Variants in NPR1 observed in about 807,000 individuals in gnomAD.
The protein encoded by NPR1 is natriuretic peptide receptor 1.
In NPR1, 57 loss-of-function variants were observed where a neutral mutation model predicts 116.9. The observed-to-expected ratio is 0.49, with a 90% confidence interval of 0.39 to 0.61. The LOEUF (loss-of-function observed/expected upper bound fraction) is 0.61. Ranked by LOEUF, NPR1 falls within the 20% of genes least tolerant of loss-of-function variation. The probability of loss-of-function intolerance (pLI) is 0.00; values close to 1 mark genes in which losing one functional copy is unlikely to be tolerated. For missense variants in NPR1, 1,096 were observed against 1,409.8 expected (o/e 0.78, Z 3.56); for synonymous variants, 555 against 601.6 (o/e 0.92, Z 1.13).
At position 153,687,045 on chromosome 1, in the gene NPR1, G is replaced by A. The variant is rs747058088; in HGVS notation, c.1893G>A (p.Leu631=). The change falls in exon 12 of 22, where the codon CTG becomes CTA. Residue 631 remains leucine (L), a synonymous_variant. Coordinates refer to ENST00000368680, the MANE Select transcript of NPR1 (RefSeq NM_000906.4). ...TTCTGGAGAATGAGAGCATCACCCT[G>A]GACTGGATGTTCCGGTACTCACTCA... is the stretch of plus-strand genomic sequence containing the variant. ...QDILENESIT[L]DWMFRYSLTN... 12 of 1,614,010 alleles carry A rather than the reference G, an allele frequency of 7.4e-6. No homozygotes were observed. The highest frequency in any genetic ancestry group is 1.7e-5 in the Admixed American group (1 of 60,000).
At position 153,689,090 on chromosome 1, in the gene NPR1, T is replaced by A; in HGVS notation, c.2555T>A (p.Ile852Asn). 3 of 1,614,140 alleles carry A rather than the reference T, an allele frequency of 1.9e-6. No individual in the cohort carries two copies. The highest frequency in any genetic ancestry group is 2.5e-6 in the Non-Finnish European group (3 of 1,180,012). The change falls in exon 16 of 22, where the codon ATC becomes AAC. Residue 852 changes from isoleucine (I) to asparagine (N), a missense_variant. Coordinates refer to ENST00000368680, the MANE Select transcript of NPR1 (RefSeq NM_000906.4). The surrounding 1 kb of genome is among the most constrained non-coding windows in gnomAD (Gnocchi z 5.1). Reference sequence around the variant, plus strand: ...AAGGCTGAGGCCCTGCTCTACCAGATCCTGCCTCAGTGAGTGCCTGAGTCT... The same window carrying A: ...AAGGCTGAGGCCCTGCTCTACCAGAACCTGCCTCAGTGAGTGCCTGAGTCT... ...KRKAEALLYQ[I>N]LPHSVAEQLK...
chr1:153,681,909 T>C (rs1669792794), intron 4 of NPR1, 70 bp downstream of exon 4: 6 of 1,576,888 alleles, frequency 3.8e-6, no homozygotes, highest in Non-Finnish European at 5.2e-6. Flanking sequence ...TGTCAAGCCA[T>C]GAGAAGCCTA....
At chr1:153,692,923 T>C (rs561729527) in intron 20 of NPR1, among the ~76,000 whole-genome samples, 183 bp from the exon 21 acceptor site, 37 of 152,300 alleles carry the variant, frequency 2.4e-4, no homozygotes, top group Middle Eastern at 3.4e-3. Flanking sequence ...GAGAGGCTAA[T>C]GTGGTCACGC....
In NPR1 at chr1:153,681,697, C is replaced by G. The variant is rs148095285; in HGVS notation, c.1036-7C>G. 18 of 1,613,618 alleles carry G rather than the reference C, an allele frequency of 1.1e-5. No homozygotes were observed. In the African/African-American group the frequency reaches 2.4e-4, roughly 22 times the overall value. ...CCACCCCAGCCGACCTCTGTTTGCC[C>G]CTACAGGTGAACACCATCCCAGCAT... On this transcript the variant is annotated splice_polypyrimidine_tract_variant and splice_region_variant and intron_variant, in intron 3 of 21. Coordinates refer to ENST00000368680, the MANE Select transcript of NPR1 (RefSeq NM_000906.4).
Position 153,693,029 on chromosome 1 carries a change from C to T in NPR1, c.3032-77C>T, listed in dbSNP as rs1670148199. The stretch of plus-strand genomic sequence containing the variant: ...TGTCCACCTGTCCACCCCCACAGTC[C>T]CTGGTCTCTTTTGCCTCTACTTTCC... On this transcript the variant is annotated intron_variant, in intron 20 of 21. Coordinates refer to ENST00000368680, the MANE Select transcript of NPR1 (RefSeq NM_000906.4). The T allele has an allele frequency of 4.3e-6, 5 of 1,169,528 alleles. No individual in the cohort carries two copies. The East Asian group carries it at 7.1e-5, about 17-fold the overall frequency. 72.4% of individuals were successfully genotyped at this position (1,169,528 alleles called of 1,614,324 possible). A position where few individuals can be genotyped will look rare whatever the true frequency, so the allele number is the denominator to read the frequency against.
Position 153,680,505 on chromosome 1 carries a change from C to G in NPR1, c.726C>G (p.Ile242Met). The change falls in exon 2 of 22, where the codon ATC becomes ATG. Residue 242 changes from isoleucine (I) to methionine (M), a missense_variant. Physicochemically the swap from Ile to Met is conservative, Grantham distance 10. Transcript: ENST00000368680. The stretch of plus-strand genomic sequence containing the variant: ...TGACTCTCCGTCTTTCTCCAGTTAT[C>G]TACATCTGCAGCTCCCCTGATGCCT... ...LRTMPRKGRVIYICSSPDAFR... is the reference protein window; with the variant it reads ...LRTMPRKGRVMYICSSPDAFR... The G allele has an allele frequency of 1.2e-6, 2 of 1,614,188 alleles. No individual in the cohort carries two copies. The highest frequency in any genetic ancestry group is 1.7e-6 in the Non-Finnish European group (2 of 1,180,014).
rs904927899 is a variant in NPR1, at chr1:153,679,140, G to A, written c.32G>A (p.Arg11His). 2 of 1,461,974 alleles carry A rather than the reference G, an allele frequency of 1.4e-6. No homozygotes were observed. The highest frequency in any genetic ancestry group is 2.8e-5 in the East Asian group (1 of 35,478). The allele number at this position is 1,461,974 out of a possible 1,614,324, so 90.6% of individuals were successfully genotyped here. ...GGGCCCCGGCGCCCCGCTGGCTCCC[G>A]CCTGCGCCTGCTCCTGCTCCTGCTG... The part of the protein sequence containing the change: MPGPRRPAGS[R>H]LRLLLLLLLP... Residue 11 changes from arginine to histidine, a missense_variant, in exon 1 of 22, where the codon CGC becomes CAC. Transcript: ENST00000368680. The surrounding 1 kb of genome is among the most constrained non-coding windows in gnomAD (Gnocchi z 4.2).
In NPR1 at chr1:153,680,434, A is replaced by G; in HGVS notation, c.722-67A>G. 3.3e-6 allele frequency: 5 copies of G among 1,504,408 alleles called. No individual in the cohort carries two copies. The South Asian group carries it at 5.6e-5, about 17-fold the overall frequency. 93.2% of individuals were successfully genotyped at this position (1,504,408 alleles called of 1,614,324 possible). A position where few individuals can be genotyped will look rare whatever the true frequency, so the allele number is the denominator to read the frequency against. On this transcript the variant is annotated intron_variant, in intron 1 of 21. Coordinates refer to ENST00000368680, the MANE Select transcript of NPR1 (RefSeq NM_000906.4). ...CTAAACTTCCTCCCTTGGGTGCCCC[A>G]GCTTTCCTACTCCTGTCTCTCCCGC...
rs1408119744 is a variant in NPR1, at chr1:153,679,387, C to T, written c.279C>T (p.Ser93=). 2.6e-6 allele frequency: 4 copies of T among 1,540,390 alleles called. No individual in the cohort carries two copies. The highest frequency in any genetic ancestry group is 1.9e-5 in the Admixed American group (1 of 51,470). ...GSSENALGVC[S]DTAAPLAAVD... ...GCGAAAACGCGCTGGGCGTCTGCTC[C>T]GACACCGCAGCGCCCCTGGCCGCGG... The change falls in exon 1 of 22, where the codon TCC becomes TCT. Residue 93 remains serine (S), a synonymous_variant. Transcript: ENST00000368680. This position sits in a 1 kb window ranked among gnomAD's most constrained non-coding sequence, Gnocchi z 4.2.
intron 2 of NPR1, 195 bp from the exon 3 acceptor site, chr1:153,680,985 A>G (rs1669757074): frequency 1.7e-6 from 1 of 599,038 alleles, no homozygotes; most frequent in Non-Finnish European, 3.0e-6. Context: ...CAGCCTGGAC[A>G]GGACTTGGAG....
intron 3 of NPR1, 167 bp from the exon 4 acceptor site, chr1:153,681,537 G>A: frequency 4.2e-6 from 3 of 719,954 alleles, no homozygotes; most frequent in Non-Finnish European, 6.8e-6. Flanking sequence ...AGGAAGTGAT[G>A]CTAATCCAAA....
Position 153,687,682 on chromosome 1 carries a change from T to G in NPR1, c.2141T>G (p.Val714Gly). 6.2e-7 allele frequency: 1 copy of G among 1,606,334 alleles called. No homozygotes were observed. The highest frequency in any genetic ancestry group is 1.1e-5 in the South Asian group (1 of 90,838). ...CTCCTGCGAATGGCTTCACCCCCTG[T>G]GCGGGGCTCCCAGGCTGGTGACGTA... ...PELLRMASPP[V>G]RGSQAGDVYS... The change falls in exon 14 of 22, where the codon GTG (valine) becomes GGG (glycine). Residue 714 changes from valine to glycine, a missense_variant. Coordinates refer to ENST00000368680, the MANE Select transcript of NPR1 (RefSeq NM_000906.4).
Position 153,687,190 on chromosome 1 carries a change from A to G in NPR1, c.1936-10A>G, listed in dbSNP as rs1327341321. ...TCCTGGCCAATACCTCTGCCCACTC[A>G]CATTTCCAGGGCATGCTGTTTCTAC... On this transcript the variant is annotated splice_polypyrimidine_tract_variant and intron_variant, in intron 12 of 21. Transcript: ENST00000368680. The G allele has an allele frequency of 6.2e-7, 1 of 1,613,920 alleles. No homozygotes were observed. Among genetic ancestry groups the G allele is most frequent in the African/African-American group, 1.3e-5 (1 of 74,888 alleles).
chr1:153,685,964 A>G, intron 9 of NPR1, 84 bp downstream of exon 9: 1 of 1,444,010 alleles, frequency 6.9e-7, no homozygotes, highest in South Asian at 1.1e-5. Flanking sequence ...TTCTGAGGGA[A>G]GGAGTAAGCT....
chr1:153,687,994 G>C, intron 14 of NPR1, 59 bp from the exon 15 acceptor site: 1 of 1,282,366 alleles, frequency 7.8e-7, no homozygotes, highest in East Asian at 2.3e-5. Flanking sequence ...GGTTGCCCCA[G>C]TCTCTCACTA....
At chr1:153,683,339 A>C (rs1479633281) in intron 5 of NPR1, 37 bp from the exon 6 acceptor site, 2 of 1,602,010 alleles carry the variant, frequency 1.2e-6, no homozygotes, top group Non-Finnish European at 1.7e-6. Flanking sequence ...CCTTCCCCGC[A>C]GGCCCTGGCC....
rs1345674657 is a variant in NPR1 at position 153,679,099 on chromosome 1, C to G, written c.-10C>G. 6 of 1,414,768 alleles carry G rather than the reference C, an allele frequency of 4.2e-6. No homozygotes were observed. The highest frequency in any genetic ancestry group is 5.5e-6 in the Non-Finnish European group (6 of 1,096,728). The allele number at this position is 1,414,768 out of a possible 1,614,324, so 87.6% of individuals were successfully genotyped here. On this transcript the variant is annotated 5_prime_UTR_variant, in exon 1 of 22. Transcript: ENST00000368680. The surrounding 1 kb of genome is among the most constrained non-coding windows in gnomAD (Gnocchi z 4.2). ...AGGAGCGCTCGCCTGCTGCGGTGCC[C>G]GCTGAGGCCATGCCGGGGCCCCGGC...
Position 153,679,732 on chromosome 1 carries a change from C to G in NPR1, c.624C>G (p.Arg208=). 6.2e-7 allele frequency: 1 copy of G among 1,603,518 alleles called. No individual in the cohort carries two copies. The highest frequency in any genetic ancestry group is 1.1e-5 in the South Asian group (1 of 89,964). The part of the protein sequence containing the change: ...FLVEGLFMRV[R]DRLNITVDHL... ...TGGAGGGGCTGTTCATGCGGGTCCG[C>G]GACCGCCTCAATATTACGGTGGACC... The change falls in exon 1 of 22, where the codon CGC becomes CGG. Residue 208 remains arginine (R), a synonymous_variant. Transcript: ENST00000368680. The surrounding 1 kb of genome is among the most constrained non-coding windows in gnomAD (Gnocchi z 4.2).
rs1420058424 is a variant in NPR1, at chr1:153,679,453, C to A, written c.345C>A (p.Gly115=). Residue 115 remains glycine, a synonymous_variant, in exon 1 of 22, where the codon GGC becomes GGA. Coordinates refer to ENST00000368680, the MANE Select transcript of NPR1 (RefSeq NM_000906.4). This position sits in a 1 kb window ranked among gnomAD's most constrained non-coding sequence, Gnocchi z 4.2. ...AGCACAACCCCGCTGTGTTCCTGGG[C>A]CCCGGCTGCGTGTACGCCGCCGCCC... The part of the protein sequence containing the change: ...KWEHNPAVFL[G]PGCVYAAAPV... The A allele has an allele frequency of 3.2e-6, 5 of 1,542,290 alleles. No individual in the cohort carries two copies. The highest frequency in any genetic ancestry group is 4.4e-6 in the Non-Finnish European group (5 of 1,148,416).
Sources: allele counts gnomAD v4.1 joint callset (sites outside exome capture counted in the v4.1 genomes callset), GRCh38; gene constraint gnomAD v4.1.1; non-coding constraint Gnocchi (gnomAD v3.1); transcripts MANE v1.5; gene names NCBI Gene and HGNC (gene_info 2026-07-23, HGNC 2026-07-21).